SLC4A4: variants seen among roughly 807,000 people sequenced by gnomAD.
SLC4A4 encodes electrogenic sodium bicarbonate cotransporter 1.
In SLC4A4, 27 loss-of-function variants were observed where a neutral mutation model predicts 111.5. The observed-to-expected ratio is 0.24, with a 90% confidence interval of 0.18 to 0.33. The LOEUF (loss-of-function observed/expected upper bound fraction) is 0.33, where lower values mean the gene tolerates loss of function less well. SLC4A4 is among the 10% of genes least tolerant of loss of function. The pLI is 1.00. For synonymous variants in SLC4A4, 443 were observed against 463.4 expected (o/e 0.96, Z 0.57); for missense variants, 909 against 1,315.5 (o/e 0.69, Z 4.78).
In SLC4A4 at chr4:71,463,732, G is replaced by A. The variant is rs144419821; in HGVS notation, c.1498-2712G>A. ...AAGTGGAACCTAGAGTGTCATTTGG[G>A]TCTTGCTTCTTGGTTCCTTTAACAT... On this transcript the variant is annotated intron_variant, in intron 12 of 25. Transcript: ENST00000264485. 1.1e-3 allele frequency among the ~76,000 whole-genome samples: 169 copies of A among 152,250 alleles called. 1 individual carries two copies. Among genetic ancestry groups the A allele is most frequent in the African/African-American group, 3.6e-3 (149 of 41,560 alleles).
chr4:71,083,512 C>T (rs971900086), intron 1 of SLC4A4, among the ~76,000 whole-genome samples: 1 of 151,940 alleles, frequency 6.6e-6, no homozygotes, highest in African/African-American at 2.4e-5. Flanking sequence ...AAAACAGAAG[C>T]TGTCTTACCT....
intron 7 of SLC4A4, among the ~76,000 whole-genome samples, chr4:71,400,583 C>A (rs1021190464): frequency 1.3e-5 from 2 of 152,172 alleles, no homozygotes; most frequent in Non-Finnish European, 2.9e-5. Context: ...CCAATGAGTT[C>A]TTCAAGAAAG....
chr4:71,296,041 G>A (rs900760347), intron 3 of SLC4A4, among the ~76,000 whole-genome samples: 2 of 151,916 alleles, frequency 1.3e-5, no homozygotes, highest in African/African-American at 4.8e-5. Flanking sequence ...AACAACCACT[G>A]AATGTTACAG....
intron 6 of SLC4A4, among the ~76,000 whole-genome samples, chr4:71,357,533 T>C (rs1374034814): frequency 1.3e-5 from 2 of 152,204 alleles, no homozygotes; most frequent in African/African-American, 4.8e-5. Flanking sequence ...TCTGTGAATA[T>C]GTTTTCCAGC....
intron 1 of SLC4A4, among the ~76,000 whole-genome samples, chr4:71,069,514 G>A (rs939658061): frequency 2.6e-5 from 4 of 152,166 alleles, no homozygotes; most frequent in Non-Finnish European, 5.9e-5. Flanking sequence ...CTTGCTACAT[G>A]AGAAAATTAC....
intron 1 of SLC4A4, among the ~76,000 whole-genome samples, chr4:71,206,017 A>G (rs1281852314): frequency 6.6e-6 from 1 of 152,202 alleles, no homozygotes; most frequent in East Asian, 1.9e-4. Context: ...TTTGTGGGAA[A>G]TTGCTCATTG....
At chr4:71,082,245 A>G (rs1424421509) in intron 1 of SLC4A4, among the ~76,000 whole-genome samples, 7 of 152,046 alleles carry the variant, frequency 4.6e-5, no homozygotes, top group African/African-American at 1.7e-4. Flanking sequence ...ACTTGGATGT[A>G]TCTGAGTCTC....
At chr4:71,421,702 T>A (rs1686847936) in intron 7 of SLC4A4, among the ~76,000 whole-genome samples, 1 of 151,988 alleles carries the variant, frequency 6.6e-6, no homozygotes, top group African/African-American at 2.4e-5. Context: ...CCCCTCAACT[T>A]CATGGAAACT....
chr4:71,537,783 A>G (rs1195323024), intron 18 of SLC4A4, among the ~76,000 whole-genome samples: 2 of 151,578 alleles, frequency 1.3e-5, no homozygotes, highest in Non-Finnish European at 2.9e-5. Context: ...TCTCCCATCT[A>G]TGCCCTCTCC....
intron 3 of SLC4A4, among the ~76,000 whole-genome samples, chr4:71,311,393 T>C (rs1016676903): frequency 6.6e-6 from 1 of 152,164 alleles, no homozygotes; most frequent in African/African-American, 2.4e-5. Flanking sequence ...GAATATACAT[T>C]CTTCTGAGCA....
At position 71,557,904 on chromosome 4, in the gene SLC4A4, G is replaced by T; in HGVS notation, c.2937+19G>T. 2.5e-6 allele frequency: 4 copies of T among 1,587,532 alleles called. No individual in the cohort carries two copies. The highest frequency in any genetic ancestry group is 2.2e-5 in the South Asian group (2 of 90,634). On this transcript the variant is annotated intron_variant, in intron 22 of 25. Transcript: ENST00000264485. Reference sequence around the variant, plus strand: ...AGTAATGGTAGGGATTCCTTTAATTGAACGTACCTGTGAGATTATATGAGT... The same window carrying T: ...AGTAATGGTAGGGATTCCTTTAATTTAACGTACCTGTGAGATTATATGAGT...
Position 71,547,672 on chromosome 4 carries a change from T to C in SLC4A4, c.2646T>C (p.Leu882=), listed in dbSNP as rs765447461. The change falls in exon 20 of 26, where the codon CTT becomes CTC. Residue 882 remains leucine (L), a synonymous_variant. Coordinates refer to ENST00000264485, the MANE Select transcript of SLC4A4 (RefSeq NM_001098484.3). The stretch of plus-strand genomic sequence containing the variant: ...GGGAACAAAGAGTCACTGGAACCCT[T>C]GTGTTTATTCTGACTGGTCTGTCAG... ...GVREQRVTGT[L]VFILTGLSVF... is the part of the protein sequence containing the mutation. 2 of 1,612,028 alleles carry C rather than the reference T, an allele frequency of 1.2e-6. No individual in the cohort carries two copies. Among genetic ancestry groups the C allele is most frequent in the Non-Finnish European group, 1.7e-6 (2 of 1,178,588 alleles).
chr4:71,071,149 T>C (rs1457189468), intron 1 of SLC4A4, among the ~76,000 whole-genome samples: 21 of 151,904 alleles, frequency 1.4e-4, no homozygotes, highest in Admixed American at 1.2e-3. Context: ...CACACTCCTG[T>C]ACTCCCAGCT....
Position 71,197,555 on chromosome 4 carries a change from A to G in SLC4A4, c.-2+10154A>G, listed in dbSNP as rs567200796. 3.9e-5 allele frequency among the ~76,000 whole-genome samples: 6 copies of G among 152,336 alleles called. No homozygotes were observed. In the South Asian group the frequency reaches 1.2e-3, roughly 32 times the overall value. On this transcript the variant is annotated intron_variant, in intron 1 of 25. Transcript: ENST00000264485. The stretch of plus-strand genomic sequence containing the variant: ...GGCTCACTAGAAGTTGCAAAAATAC[A>G]GTGCAGAGAGTTTTTCTGTATGCTT...
chr4:71,444,746 T>C (rs1725072996), intron 8 of SLC4A4, among the ~76,000 whole-genome samples: 1 of 152,204 alleles, frequency 6.6e-6, no homozygotes, highest in Non-Finnish European at 1.5e-5. Context: ...TGTTGGATTG[T>C]TTTGTGTTCA....
chr4:71,332,492 G>C (rs113212960), intron 3 of SLC4A4, among the ~76,000 whole-genome samples: 1 of 148,892 alleles, frequency 6.7e-6, no homozygotes, highest in Non-Finnish European at 1.5e-5. Context: ...TCGCCCAGGC[G>C]GGAGTGCTGT....
rs910647447 is a variant in SLC4A4 at position 71,379,580 on chromosome 4, T to C, written c.731-17997T>C. On this transcript the variant is annotated intron_variant, in intron 6 of 25. Transcript: ENST00000264485. The stretch of plus-strand genomic sequence containing the variant: ...CATAACCCCAACCCCCTTCCCCCAT[T>C]GACTTATCATTATACAATAATACAA... 3.9e-5 allele frequency among the ~76,000 whole-genome samples: 6 copies of C among 152,176 alleles called. No individual in the cohort carries two copies. The East Asian group carries it at 9.7e-4, about 25-fold the overall frequency.
At chr4:71,259,638 A>AT (rs890603239) in intron 3 of SLC4A4, among the ~76,000 whole-genome samples, 87 of 149,504 alleles carry the variant, frequency 5.8e-4, no homozygotes, top group South Asian at 8.5e-4. Flanking sequence ...TCCACTGTGC[A>AT]TTTTTTTTTT....
intron 2 of SLC4A4, among the ~76,000 whole-genome samples, chr4:71,249,019 C>T (rs1000354559): frequency 2.6e-5 from 4 of 152,096 alleles, no homozygotes; most frequent in African/African-American, 4.8e-5. Context: ...TTATTATCAT[C>T]ATCAAATATT....
Sources: allele counts gnomAD v4.1 joint callset (sites outside exome capture counted in the v4.1 genomes callset), GRCh38; gene constraint gnomAD v4.1.1; transcripts MANE v1.5; gene names NCBI Gene and HGNC (gene_info 2026-07-23, HGNC 2026-07-21).